The following DST variants were observed in gnomAD, a reference collection of about 807,000 sequenced individuals.
DST encodes the protein bullous pemphigoid antigen.
In DST, 253 loss-of-function variants were observed where a neutral mutation model predicts 875.2. The ratio of observed to expected loss-of-function variants is 0.29; its 90% confidence interval spans 0.26 to 0.32. The LOEUF (loss-of-function observed/expected upper bound fraction) is 0.32. Ranked by LOEUF, DST falls within the 10% of genes least tolerant of loss-of-function variation. The probability of loss-of-function intolerance (pLI) is 1.00; values close to 1 mark genes in which losing one functional copy is unlikely to be tolerated. For missense variants in DST, 8,287 were observed against 9,111.6 expected (o/e 0.91, Z 3.68); for synonymous variants, 3,124 against 3,197.1 (o/e 0.98, Z 0.77).
chr6:56,721,183 C>T (rs1169599595), intron 5 of DST, among the ~76,000 whole-genome samples: 1 of 91,166 alleles, frequency 1.1e-5, no homozygotes, highest in Non-Finnish European at 2.2e-5. Context: ...GGCTGCCGGG[C>T]GGGGGTGCGC....
Position 56,458,351 on chromosome 6 carries a change from C to A in DST, c.*654G>T. On this transcript the variant is annotated 3_prime_UTR_variant, in exon 104 of 104. Transcript: ENST00000680361. ...TCCACTCAAGCAAAAGAAAACCTCA[C>A]ATGTATATGAACGCACTTTATACTT... is the stretch of plus-strand genomic sequence containing the variant. The A allele has an allele frequency of 6.6e-6, 1 of 152,526 alleles. No homozygotes were observed. Among genetic ancestry groups the A allele is most frequent in the South Asian group, 2.1e-4 (1 of 4,830 alleles). 9.4% of individuals were successfully genotyped at this position (152,526 alleles called of 1,614,324 possible).
intron 88 of DST, 48 bp downstream of exon 88, chr6:56,485,264 C>A (rs1188820727): frequency 3.1e-6 from 5 of 1,602,452 alleles, no homozygotes; most frequent in Admixed American, 1.7e-5. Context: ...TTCCTGTACA[C>A]TCAGAATAAT....
At chr6:56,736,716 A>C (rs2152931274) in intron 4 of DST, among the ~76,000 whole-genome samples, 1 of 152,356 alleles carries the variant, frequency 6.6e-6, no homozygotes, top group South Asian at 2.1e-4. Context: ...AAAAGTATTT[A>C]TGTTCTCTAG....
intron 75 of DST, among the ~76,000 whole-genome samples, 167 bp downstream of exon 75, chr6:56,508,350 CATACAATCTCAA>C (rs1305793157): frequency 1.3e-5 from 2 of 152,136 alleles, no homozygotes; most frequent in African/African-American, 4.8e-5. Context: ...TTGTTTTAAA[CATACAATCTCAA>C]AGTGAAATTT....
In DST at chr6:56,605,763, A is replaced by ATC. The variant is rs1198698941; in HGVS notation, c.8863_8864dup (p.Asp2955GlufsTer3). On this transcript the variant is annotated frameshift_variant, in exon 40 of 104. Coordinates refer to ENST00000680361, the MANE Select transcript of DST (RefSeq NM_001374736.1). LOFTEE classifies it high-confidence loss of function. ...TCAACTTAACCTTTGTGTTTGCTAG[A>ATC]TCAGTACCTAATTCAGAAGTTGAAC... 1 of 1,612,644 alleles carries ATC rather than the reference A, an allele frequency of 6.2e-7. No individual in the cohort carries two copies. The highest frequency in any genetic ancestry group is 1.3e-5 in the African/African-American group (1 of 74,856).
chr6:56,831,452 CCA>C (rs1208678110), intron 4 of DST, among the ~76,000 whole-genome samples: 1 of 152,126 alleles, frequency 6.6e-6, no homozygotes, highest in African/African-American at 2.4e-5. Context: ...CACCATCCAC[CCA>C]CACATAACAC....
chr6:56,636,724 C>T lies in DST; in HGVS notation c.2965-72G>A, dbSNP rs16888081. ...GCACACATACCTTTTGATATCGATG[C>T]TTCTAAATGCTAACTCTACTATCTA... On this transcript the variant is annotated intron_variant, in intron 22 of 103. Transcript: ENST00000680361. 17,668 of 1,174,124 alleles carry T rather than the reference C, an allele frequency of 0.015. 875 individuals carry two copies. The East Asian group carries it at 0.18, about 12-fold the overall frequency. The allele number at this position is 1,174,124 out of a possible 1,614,324, so 72.7% of individuals were successfully genotyped here. A position where few individuals can be genotyped will look rare whatever the true frequency, so the allele number is the denominator to read the frequency against.
chr6:56,905,385 T>G (rs1795939746), intron 2 of DST, among the ~76,000 whole-genome samples: 1 of 152,194 alleles, frequency 6.6e-6, no homozygotes, highest in Non-Finnish European at 1.5e-5. Flanking sequence ...ACGGAAACTT[T>G]ATACCCATTG....
At chr6:56,718,151 G>C (rs1187053778) in intron 5 of DST, among the ~76,000 whole-genome samples, 6 of 152,272 alleles carry the variant, frequency 3.9e-5, no homozygotes, top group East Asian at 3.9e-4. Context: ...GGCTATGGTG[G>C]AAGTTTGAGG....
At chr6:56,571,204 T>G (rs1161424696) in intron 53 of DST, among the ~76,000 whole-genome samples, 1 of 152,210 alleles carries the variant, frequency 6.6e-6, no homozygotes, top group African/African-American at 2.4e-5. Context: ...CGTACATATA[T>G]GCAAGCGTGC....
Position 56,611,505 on chromosome 6 carries a change from T to C in DST, c.5147+3A>G. 6.2e-7 allele frequency: 1 copy of C among 1,602,880 alleles called. No homozygotes were observed. Among genetic ancestry groups the C allele is most frequent in the Non-Finnish European group, 8.5e-7 (1 of 1,170,532 alleles). On this transcript the variant is annotated splice_donor_region_variant and intron_variant, in intron 38 of 103. Transcript: ENST00000680361. ...ATAAAAGAGCTAACTACAACCAACA[T>C]ACTTGTCTCCATGTTTTGCCAAAAA...
At chr6:56,853,187 A>G (rs1006649318) in intron 3 of DST, among the ~76,000 whole-genome samples, 1 of 152,080 alleles carries the variant, frequency 6.6e-6, no homozygotes, top group Non-Finnish European at 1.5e-5. Flanking sequence ...AAATTTCATC[A>G]TCTTGGCTAA....
intron 9 of DST, among the ~76,000 whole-genome samples, chr6:56,690,202 C>G (rs2099218408): frequency 6.6e-6 from 1 of 152,052 alleles, no homozygotes; most frequent in African/African-American, 2.4e-5. Context: ...TTTATTTAAC[C>G]TGAGTTTCCA....
At chr6:56,671,603 T>C (rs2099101781) in intron 9 of DST, among the ~76,000 whole-genome samples, 1 of 152,180 alleles carries the variant, frequency 6.6e-6, no homozygotes, top group South Asian at 2.1e-4. Flanking sequence ...CAAAAGCATC[T>C]CTTTGATAAG....
chr6:56,725,548 T>TAGA lies in DST; in HGVS notation c.687+9677_687+9679dup, dbSNP rs890391948. 3.0e-4 allele frequency among the ~76,000 whole-genome samples: 45 copies of TAGA among 152,166 alleles called. 1 individual carries two copies. Among genetic ancestry groups the TAGA allele is most frequent in the African/African-American group, 1.0e-3 (42 of 41,504 alleles). ...CACACACATGCACTGGGCCCCTGGG[T>TAGA]AGAAGAGGGTGATTCTAAGGAATGG... On this transcript the variant is annotated intron_variant, in intron 5 of 103. Coordinates refer to ENST00000680361, the MANE Select transcript of DST (RefSeq NM_001374736.1).
Position 56,843,705 on chromosome 6 carries a change from AGGAGGGTGGAGGGT to A in DST, c.625+7678_625+7691del, listed in dbSNP as rs1321558478. ...GCCCGCGCCGGGGAGAGAGGGAGGG[AGGAGGGTGGAGGGT>A]GGAGGGTGGAGAGTGGAGGGTGGAG... On this transcript the variant is annotated intron_variant, in intron 4 of 103. Coordinates refer to ENST00000680361, the MANE Select transcript of DST (RefSeq NM_001374736.1). 62 of 549,940 alleles carry A rather than the reference AGGAGGGTGGAGGGT, an allele frequency of 1.1e-4. No individual in the cohort carries two copies. The African/African-American group carries it at 1.8e-3, about 16-fold the overall frequency. 34.1% of individuals were successfully genotyped at this position (549,940 alleles called of 1,614,324 possible).
Position 56,555,682 on chromosome 6 carries a change from C to T in DST, c.14799G>A (p.Gly4933=). ...TCCAGTCACATCTGTCACTCAATTG[C>T]CCTGTTAGGCTATCCCATTTTTGGG... ...AVTQKWDSLT[G]QLSDRCDWID... Residue 4933 remains glycine (G), a synonymous_variant, in exon 60 of 104, where the codon GGG becomes GGA. Coordinates refer to ENST00000680361, the MANE Select transcript of DST (RefSeq NM_001374736.1). 1 of 1,613,452 alleles carries T rather than the reference C, an allele frequency of 6.2e-7. No individual in the cohort carries two copies. The highest frequency in any genetic ancestry group is 2.2e-5 in the East Asian group (1 of 44,870).
intron 5 of DST, among the ~76,000 whole-genome samples, chr6:56,725,200 C>T (rs1281170910): frequency 6.6e-6 from 1 of 152,148 alleles, no homozygotes; most frequent in African/African-American, 2.4e-5. Context: ...TGCCACCTAC[C>T]CTGGGTCACA....
chr6:56,623,579 C>T (rs1237933381), intron 36 of DST, among the ~76,000 whole-genome samples: 1 of 152,174 alleles, frequency 6.6e-6, no homozygotes, highest in African/African-American at 2.4e-5. Context: ...TTTTAGGAAA[C>T]TGAGAAAGTA....
Sources: gnomAD v4.1 joint callset for allele counts (sites outside exome capture counted in the v4.1 genomes callset) on GRCh38, gnomAD v4.1.1 for gene constraint, MANE v1.5 for transcripts, NCBI Gene and HGNC (gene_info 2026-07-23, HGNC 2026-07-21) for gene names.